Variants in GALNTL6 observed in about 807,000 individuals in gnomAD.
GALNTL6 encodes polypeptide N-acetylgalactosaminyltransferase like 6.
GALNTL6 carries 46 observed loss-of-function variants against 73.7 expected under a neutral mutation model. The observed-to-expected ratio is 0.62, with a 90% CI of 0.49 to 0.80. GALNTL6 has a LOEUF of 0.80. GALNTL6 is among the 30% of genes least tolerant of loss of function. The probability of loss-of-function intolerance (pLI) is 0.00; values close to 1 mark genes in which losing one functional copy is unlikely to be tolerated. For synonymous variants in GALNTL6, 259 were observed against 263.7 expected (o/e 0.98, Z 0.17); for missense variants, 604 against 755.0 (o/e 0.80, Z 2.34).
intron 5 of GALNTL6, among the ~76,000 whole-genome samples, chr4:172,453,309 A>G (rs1176334227): frequency 6.6e-6 from 1 of 152,224 alleles, no homozygotes. Flanking sequence ...GTTGGGGAAC[A>G]TAAAATTACC....
chr4:172,305,868 T>C (rs1383339998), intron 3 of GALNTL6, among the ~76,000 whole-genome samples: 3 of 152,212 alleles, frequency 2.0e-5, no homozygotes, highest in Non-Finnish European at 4.4e-5. Flanking sequence ...TAAAAAGCTT[T>C]ATCTCATGAG....
At chr4:172,520,533 T>G (rs1734744411) in intron 5 of GALNTL6, among the ~76,000 whole-genome samples, 1 of 151,748 alleles carries the variant, frequency 6.6e-6, no homozygotes, top group Admixed American at 6.6e-5. Flanking sequence ...GCATTTTGAG[T>G]CAGTCTTTTC....
intron 2 of GALNTL6, among the ~76,000 whole-genome samples, chr4:171,941,872 T>C (rs931002605): frequency 1.5e-4 from 23 of 152,200 alleles, no homozygotes; most frequent in African/African-American, 5.5e-4. Context: ...CACTTTAACA[T>C]AAACAGTATT....
At chr4:172,749,871 AG>A (rs5864165) in intron 5 of GALNTL6, among the ~76,000 whole-genome samples, 54,884 of 151,910 alleles carry the variant, frequency 0.36, 10,994 homozygotes, top group African/African-American at 0.53. Context: ...CCTTTTAATT[AG>A]GTCATTCCTT....
chr4:172,828,671 G>T (rs940197372), intron 7 of GALNTL6, among the ~76,000 whole-genome samples: 11 of 152,206 alleles, frequency 7.2e-5, no homozygotes, highest in Non-Finnish European at 1.5e-4. Flanking sequence ...CAGTTTCTGT[G>T]TAGAAAGGGA....
chr4:172,885,522 TC>T (rs1272103105), intron 8 of GALNTL6, among the ~76,000 whole-genome samples: 1 of 152,192 alleles, frequency 6.6e-6, no homozygotes, highest in African/African-American at 2.4e-5. Context: ...TTTGACTTCT[TC>T]CATTACAATT....
At chr4:172,533,060 T>G (rs13107555) in intron 5 of GALNTL6, among the ~76,000 whole-genome samples, 31,414 of 150,722 alleles carry the variant, frequency 0.21, 3,616 homozygotes, top group African/African-American at 0.29. Context: ...TTGCCAGGCT[T>G]CAATGCAGTG....
chr4:172,344,734 G>A (rs1168442675), intron 4 of GALNTL6, among the ~76,000 whole-genome samples: 2 of 152,148 alleles, frequency 1.3e-5, no homozygotes, highest in Non-Finnish European at 2.9e-5. Flanking sequence ...GACAAAGTTA[G>A]TCACACTTCC....
intron 2 of GALNTL6, among the ~76,000 whole-genome samples, chr4:171,932,604 A>C (rs1415239567): frequency 6.6e-6 from 1 of 152,160 alleles, no homozygotes; most frequent in Admixed American, 6.5e-5. Context: ...TATAGAGAGA[A>C]AGTCCTTCCA....
chr4:172,543,947 A>C (rs1168936952), intron 5 of GALNTL6, among the ~76,000 whole-genome samples: 1 of 152,216 alleles, frequency 6.6e-6, no homozygotes, highest in Non-Finnish European at 1.5e-5. Context: ...CAACAACCCT[A>C]TGAAATAGAT....
intron 5 of GALNTL6, among the ~76,000 whole-genome samples, chr4:172,729,949 C>A (rs911071500): frequency 1.3e-5 from 2 of 151,912 alleles, no homozygotes; most frequent in African/African-American, 4.8e-5. Flanking sequence ...TCTTTTACTT[C>A]TTTGGTTAGA....
intron 2 of GALNTL6, among the ~76,000 whole-genome samples, chr4:171,847,059 C>T (rs1735394274): frequency 6.6e-6 from 1 of 150,900 alleles, no homozygotes; most frequent in African/African-American, 2.4e-5. Flanking sequence ...TATATTTCCC[C>T]TACGAGCAAT....
At chr4:171,908,238 A>C (rs1023471882) in intron 2 of GALNTL6, among the ~76,000 whole-genome samples, 4 of 152,050 alleles carry the variant, frequency 2.6e-5, no homozygotes, top group Admixed American at 2.0e-4. Context: ...ATTTTCACAA[A>C]CTACTCATCT....
chr4:172,348,947 C>T (rs1741847954), intron 5 of GALNTL6, among the ~76,000 whole-genome samples: 1 of 152,144 alleles, frequency 6.6e-6, no homozygotes, highest in Non-Finnish European at 1.5e-5. Flanking sequence ...CAAAATGCCT[C>T]AAATTCTACT....
intron 2 of GALNTL6, among the ~76,000 whole-genome samples, chr4:171,887,644 T>C (rs1352303823): frequency 1.3e-5 from 2 of 152,164 alleles, no homozygotes; most frequent in African/African-American, 4.8e-5. Context: ...CAATGGAATT[T>C]ATGCATAATA....
chr4:172,444,325 A>T (rs1047625829), intron 5 of GALNTL6, among the ~76,000 whole-genome samples: 1 of 152,216 alleles, frequency 6.6e-6, no homozygotes, highest in Non-Finnish European at 1.5e-5. Context: ...ATGCCAGTCT[A>T]AAAATGATGT....
At chr4:172,317,245 GAAT>G (rs1217888459) in intron 4 of GALNTL6, among the ~76,000 whole-genome samples, 1 of 152,070 alleles carries the variant, frequency 6.6e-6, no homozygotes, top group Non-Finnish European at 1.5e-5. Context: ...GAAGTATATT[GAAT>G]AATGATTCTA....
chr4:172,233,445 CA>C (rs1244101533), intron 3 of GALNTL6, among the ~76,000 whole-genome samples: 5 of 152,058 alleles, frequency 3.3e-5, no homozygotes, highest in Admixed American at 3.3e-4. Flanking sequence ...TTCATTTTTA[CA>C]TAATGTGAGG....
chr4:172,980,099 G>A (rs1751001117), intron 10 of GALNTL6, among the ~76,000 whole-genome samples: 1 of 152,148 alleles, frequency 6.6e-6, no homozygotes, highest in Non-Finnish European at 1.5e-5. Flanking sequence ...AGGCCGTATT[G>A]ACTACATCTC....
Sources: allele counts gnomAD v4.1 joint callset (sites outside exome capture counted in the v4.1 genomes callset), GRCh38; gene constraint gnomAD v4.1.1; transcripts MANE v1.5; gene names NCBI Gene and HGNC (gene_info 2026-07-23, HGNC 2026-07-21).